The following ARHGAP15 variants were observed in gnomAD, a reference collection of about 807,000 sequenced individuals.
The protein encoded by ARHGAP15 is Rho GTPase activating protein 15.
ARHGAP15 carries 51 observed loss-of-function variants against 63.7 expected under a neutral mutation model. The ratio of observed to expected loss-of-function variants is 0.80; its 90% CI spans 0.64 to 1.01. The LOEUF (loss-of-function observed/expected upper bound fraction) is 1.01. ARHGAP15 is among the 50% of genes least tolerant of loss of function. ARHGAP15 has a pLI of 0.00. For synonymous variants in ARHGAP15, 191 were observed against 193.8 expected (o/e 0.99, Z 0.12); for missense variants, 560 against 564.6 (o/e 0.99, Z 0.08).
chr2:143,717,770 G>A (rs956981880), intron 13 of ARHGAP15, among the ~76,000 whole-genome samples: 2 of 151,844 alleles, frequency 1.3e-5, no homozygotes, highest in Admixed American at 6.6e-5. Context: ...GGCTGGGAAA[G>A]ACGAGACCAT....
At chr2:143,710,735 C>T (rs1389010820) in intron 13 of ARHGAP15, among the ~76,000 whole-genome samples, 1 of 152,168 alleles carries the variant, frequency 6.6e-6, no homozygotes, top group Non-Finnish European at 1.5e-5. Flanking sequence ...TTGCCCCACC[C>T]TTCTCTACTA....
intron 13 of ARHGAP15, among the ~76,000 whole-genome samples, chr2:143,719,910 T>C (rs1371793122): frequency 1.3e-5 from 2 of 152,306 alleles, no homozygotes; most frequent in East Asian, 1.9e-4. Context: ...GCCTATTTCT[T>C]CCACCTGTTG....
chr2:143,766,375 C>T (rs969896228), intron 13 of ARHGAP15, among the ~76,000 whole-genome samples: 2 of 152,136 alleles, frequency 1.3e-5, no homozygotes, highest in African/African-American at 4.8e-5. Context: ...CAGAGAGTAG[C>T]CTTCCTAGTT....
At chr2:143,657,398 TTA>T (rs1176606162) in intron 12 of ARHGAP15, among the ~76,000 whole-genome samples, 1 of 152,140 alleles carries the variant, frequency 6.6e-6, no homozygotes, top group African/African-American at 2.4e-5. Flanking sequence ...AATACTATGT[TTA>T]TGTGTTTCTG....
intron 6 of ARHGAP15, among the ~76,000 whole-genome samples, chr2:143,289,373 A>G (rs1682275069): frequency 6.6e-6 from 1 of 152,184 alleles, no homozygotes; most frequent in South Asian, 2.1e-4. Context: ...AATATTTTTA[A>G]AATTGTACAA....
intron 11 of ARHGAP15, among the ~76,000 whole-genome samples, chr2:143,600,714 C>A (rs889970723): frequency 6.6e-6 from 1 of 152,100 alleles, no homozygotes; most frequent in African/African-American, 2.4e-5. Context: ...AATCAATTGT[C>A]AGAAAAACTG....
At chr2:143,338,634 C>T (rs551459519) in intron 6 of ARHGAP15, among the ~76,000 whole-genome samples, 4 of 152,042 alleles carry the variant, frequency 2.6e-5, no homozygotes, top group Non-Finnish European at 5.9e-5. Context: ...AGAATAATGA[C>T]TTTATATATT....
intron 8 of ARHGAP15, among the ~76,000 whole-genome samples, chr2:143,476,283 T>TA (rs1162144668): frequency 1.3e-5 from 2 of 151,910 alleles, no homozygotes; most frequent in African/African-American, 4.8e-5. Context: ...TATTTTCAAG[T>TA]AAAAAAAATA....
In ARHGAP15 at chr2:143,349,235, T is replaced by C. The variant is rs555281124; in HGVS notation, c.475-86366T>C. ...TTCATTCTGAACTTGGAAATTTAGA[T>C]CGATTTGAGTGAGAGGATAAAAGGG... On this transcript the variant is annotated intron_variant, in intron 6 of 13. Coordinates refer to ENST00000295095, the MANE Select transcript of ARHGAP15 (RefSeq NM_018460.4). Among the ~76,000 whole-genome samples, 5 of 152,272 alleles carry C rather than the reference T, an allele frequency of 3.3e-5. No individual in the cohort carries two copies. The South Asian group carries it at 1.0e-3, about 32-fold the overall frequency.
At chr2:143,630,345 A>G (rs969832865) in intron 12 of ARHGAP15, among the ~76,000 whole-genome samples, 2 of 152,092 alleles carry the variant, frequency 1.3e-5, no homozygotes, top group African/African-American at 4.8e-5. Context: ...TCTATTTCAT[A>G]TGAGTATTTT....
rs537609269 is a variant in ARHGAP15, at chr2:143,635,186, C to T, written c.1138+10919C>T. 1.2e-4 allele frequency among the ~76,000 whole-genome samples: 14 copies of T among 120,828 alleles called. No individual in the cohort carries two copies. The East Asian group carries it at 1.2e-3, about 10-fold the overall frequency. The allele number at this position is 120,828 out of a possible 152,430, so 79.3% of individuals were successfully genotyped here. A position where few individuals can be genotyped will look rare whatever the true frequency, so the allele number is the denominator to read the frequency against. ...CTCAAGAGAACTTTCATATTAACCT[C>T]TCAGGAGCTTTTTTTTTTTTTTTTT... is the stretch of plus-strand genomic sequence containing the variant. On this transcript the variant is annotated intron_variant, in intron 12 of 13. Transcript: ENST00000295095.
intron 12 of ARHGAP15, among the ~76,000 whole-genome samples, chr2:143,629,582 A>C (rs767676736): frequency 6.6e-6 from 1 of 152,130 alleles, no homozygotes. Flanking sequence ...TAACTTTACC[A>C]CTGTTCCCAT....
chr2:143,330,692 T>C (rs1684511107), intron 6 of ARHGAP15, among the ~76,000 whole-genome samples: 1 of 152,176 alleles, frequency 6.6e-6, no homozygotes, highest in Admixed American at 6.5e-5. Flanking sequence ...GTCCTTAAGG[T>C]TTCATTTCTC....
intron 8 of ARHGAP15, among the ~76,000 whole-genome samples, chr2:143,461,760 G>T (rs1327357042): frequency 6.6e-6 from 1 of 152,106 alleles, no homozygotes; most frequent in South Asian, 2.1e-4. Flanking sequence ...TGCTAATCCT[G>T]TTTCTGCAGT....
At chr2:143,581,655 G>A (rs115107001) in intron 11 of ARHGAP15, among the ~76,000 whole-genome samples, 1,770 of 152,182 alleles carry the variant, frequency 0.012, 21 homozygotes, top group South Asian at 0.04. Flanking sequence ...CTGGCAAAGG[G>A]ATTAGTACAA....
intron 6 of ARHGAP15, among the ~76,000 whole-genome samples, chr2:143,377,722 A>T (rs1194530018): frequency 1.3e-5 from 2 of 152,114 alleles, no homozygotes; most frequent in Admixed American, 1.3e-4. Context: ...ATAAATTAAC[A>T]AAGTAGCAAA....
At chr2:143,600,995 C>CA (rs1488922696) in intron 11 of ARHGAP15, among the ~76,000 whole-genome samples, 12 of 150,504 alleles carry the variant, frequency 8.0e-5, no homozygotes, top group Admixed American at 7.9e-4. Context: ...GTATATGTCA[C>CA]AAGCCAGATT....
At chr2:143,555,129 A>G (rs1255610554) in intron 10 of ARHGAP15, among the ~76,000 whole-genome samples, 3 of 152,184 alleles carry the variant, frequency 2.0e-5, no homozygotes, top group African/African-American at 7.2e-5. Flanking sequence ...GTCTTAAATT[A>G]TGCCATTATT....
intron 4 of ARHGAP15, among the ~76,000 whole-genome samples, chr2:143,223,694 A>G (rs1006490079): frequency 2.0e-5 from 3 of 152,122 alleles, no homozygotes; most frequent in Non-Finnish European, 4.4e-5. Flanking sequence ...TACTTCCCTG[A>G]CAAGTGTTCC....
Sources: gnomAD v4.1 joint callset for allele counts (sites outside exome capture counted in the v4.1 genomes callset) on GRCh38, gnomAD v4.1.1 for gene constraint, MANE v1.5 for transcripts, NCBI Gene and HGNC (gene_info 2026-07-23, HGNC 2026-07-21) for gene names.